Variants in CTNNBL1 observed in about 807,000 individuals in gnomAD.
The protein encoded by CTNNBL1 is beta-catenin-like protein 1.
Under a neutral mutation model 72.7 loss-of-function variants are expected in CTNNBL1, and 31 were observed. That is an observed-to-expected ratio of 0.43 (90% CI 0.32 to 0.58). The LOEUF (loss-of-function observed/expected upper bound fraction) is 0.58. Ranked by LOEUF, CTNNBL1 falls within the 20% of genes least tolerant of loss-of-function variation. CTNNBL1 has a pLI of 0.08. For synonymous variants in CTNNBL1, 240 were observed against 267.3 expected, an observed-to-expected ratio of 0.90 and a Z score of 1.00; for missense variants, 534 against 725.1, an observed-to-expected ratio of 0.74 and a Z score of 3.03.
At chr20:37,760,198 G>C (rs2073403532) in intron 5 of CTNNBL1, among the ~76,000 whole-genome samples, 1 of 152,040 alleles carries the variant, frequency 6.6e-6, no homozygotes, top group Non-Finnish European at 1.5e-5. Flanking sequence ...TAAGCGAGAG[G>C]GTATATTGCT....
Position 37,860,007 on chromosome 20 carries a change from G to A in CTNNBL1, c.1501G>A (p.Ala501Thr). ...TCTCCAGCACATCTGCTACATCATG[G>A]CCGAGATCTGCAATGCCAATGTCCC... is the stretch of plus-strand genomic sequence containing the variant. ...FVLQHICYIM[A>T]EICNANVPQI... Residue 501 changes from alanine to threonine, a missense_variant, in exon 14 of 16, where the codon GCC (alanine) becomes ACC (threonine). Physicochemically the swap from Ala to Thr is moderately conservative, Grantham distance 58. Coordinates refer to ENST00000361383, the MANE Select transcript of CTNNBL1 (RefSeq NM_030877.5). The A allele has an allele frequency of 6.2e-7, 1 of 1,613,998 alleles. No homozygotes were observed. The highest frequency in any genetic ancestry group is 1.1e-5 in the South Asian group (1 of 91,070).
In CTNNBL1 at chr20:37,817,432, T is replaced by C. The variant is rs189743842; in HGVS notation, c.1213+14384T>C. The stretch of plus-strand genomic sequence containing the variant: ...ATGCTATAATAAAGTTTTTAAAATA[T>C]ATTTCATACAAAGTTAGATGTGTTT... On this transcript the variant is annotated intron_variant, in intron 11 of 15. Coordinates refer to ENST00000361383, the MANE Select transcript of CTNNBL1 (RefSeq NM_030877.5). Among the ~76,000 whole-genome samples, 3 of 152,362 alleles carry C rather than the reference T, an allele frequency of 2.0e-5. No homozygotes were observed. The East Asian group carries it at 5.8e-4, about 29-fold the overall frequency.
At chr20:37,864,133 C>T (rs1005829140) in intron 15 of CTNNBL1, among the ~76,000 whole-genome samples, 1 of 152,024 alleles carries the variant, frequency 6.6e-6, no homozygotes, top group African/African-American at 2.4e-5. Flanking sequence ...GGGTGGGAGG[C>T]TGGGCTCTTC....
chr20:37,831,520 C>T (rs2072209941), intron 11 of CTNNBL1, among the ~76,000 whole-genome samples: 1 of 152,106 alleles, frequency 6.6e-6, no homozygotes, highest in Admixed American at 6.6e-5. Context: ...TGCCCGCCAC[C>T]ACGCCCAGCT....
At chr20:37,722,947 G>T (rs1432529339) in intron 1 of CTNNBL1, among the ~76,000 whole-genome samples, 1 of 152,218 alleles carries the variant, frequency 6.6e-6, no homozygotes, top group Non-Finnish European at 1.5e-5. Context: ...GATGCGGATG[G>T]TTCTGGTGTA....
chr20:37,739,561 A>G (rs2073197385), intron 3 of CTNNBL1, among the ~76,000 whole-genome samples: 1 of 152,182 alleles, frequency 6.6e-6, no homozygotes, highest in Non-Finnish European at 1.5e-5. Context: ...TCCCAGATTG[A>G]AGGGTATGTA....
At chr20:37,847,817 A>G (rs1211373939) in intron 13 of CTNNBL1, 1 of 152,746 alleles carries the variant, frequency 6.5e-6, no homozygotes, top group Non-Finnish European at 1.5e-5. Context: ...TACAAATTGC[A>G]TGCTAATTTT....
intron 10 of CTNNBL1, among the ~76,000 whole-genome samples, chr20:37,794,210 G>A (rs2073750052): frequency 8.1e-6 from 1 of 123,128 alleles, no homozygotes; most frequent in Admixed American, 8.0e-5. Context: ...TCCGGGGTCA[G>A]TTTCCTTCTG....
At chr20:37,868,546 A>G (rs1321700746) in intron 15 of CTNNBL1, among the ~76,000 whole-genome samples, 2 of 152,234 alleles carry the variant, frequency 1.3e-5, no homozygotes, top group Admixed American at 6.5e-5. Flanking sequence ...TCCAGGGGAC[A>G]CTAAGCCATT....
intron 1 of CTNNBL1, among the ~76,000 whole-genome samples, chr20:37,731,223 C>T (rs1312176948): frequency 1.3e-5 from 2 of 151,980 alleles, no homozygotes; most frequent in Admixed American, 1.3e-4. Context: ...AGCTTATCTT[C>T]CTGTTTAACT....
intron 1 of CTNNBL1, among the ~76,000 whole-genome samples, chr20:37,728,803 G>C (rs2073106256): frequency 6.6e-6 from 1 of 152,224 alleles, no homozygotes; most frequent in Non-Finnish European, 1.5e-5. Context: ...CTCTGCCATA[G>C]AGTCATCATG....
chr20:37,744,334 T>C (rs78438708), intron 3 of CTNNBL1, among the ~76,000 whole-genome samples: 6,491 of 152,308 alleles, frequency 0.043, 389 homozygotes, highest in African/African-American at 0.14. Context: ...TTAAGTCATG[T>C]GTACTCTTTG....
intron 1 of CTNNBL1, among the ~76,000 whole-genome samples, chr20:37,701,952 G>A (rs937528699): frequency 2.0e-5 from 3 of 152,002 alleles, no homozygotes; most frequent in Admixed American, 6.6e-5. Flanking sequence ...AGCTGCAGAT[G>A]TGTGGCGTAA....
chr20:37,772,774 T>A (rs934723346), intron 7 of CTNNBL1, among the ~76,000 whole-genome samples: 12 of 152,220 alleles, frequency 7.9e-5, no homozygotes, highest in African/African-American at 2.9e-4. Context: ...CATCTCATAT[T>A]TATTCAGTAA....
chr20:37,826,319 G>A (rs1262776723), intron 11 of CTNNBL1, among the ~76,000 whole-genome samples: 1 of 152,184 alleles, frequency 6.6e-6, no homozygotes, highest in Non-Finnish European at 1.5e-5. Context: ...AGAAGAGAAT[G>A]GAATACCATG....
rs561058037 is a variant in CTNNBL1 at position 37,764,280 on chromosome 20, A to G, written c.565-917A>G. Among the ~76,000 whole-genome samples the G allele has an allele frequency of 5.3e-5, 8 of 152,300 alleles. No homozygotes were observed. The South Asian group carries it at 1.0e-3, about 20-fold the overall frequency. ...ACTTATTGGCTGTGCTTAAGAATCC[A>G]TTACCAGATGGATCATCCCTTCCTG... is the stretch of plus-strand genomic sequence containing the variant. On this transcript the variant is annotated intron_variant, in intron 5 of 15. Transcript: ENST00000361383.
At chr20:37,848,401 A>G (rs761078615) in intron 13 of CTNNBL1, among the ~76,000 whole-genome samples, 21 of 152,020 alleles carry the variant, frequency 1.4e-4, no homozygotes, top group Non-Finnish European at 3.1e-4. Flanking sequence ...AGCAAACCTC[A>G]TGCCTCAGCC....
intron 10 of CTNNBL1, among the ~76,000 whole-genome samples, chr20:37,800,629 T>C (rs1023441806): frequency 6.6e-6 from 1 of 152,244 alleles, no homozygotes; most frequent in Admixed American, 6.5e-5. Context: ...ATATTATTCT[T>C]TCCCCACACT....
At chr20:37,853,649 GT>G (rs759720552) in intron 13 of CTNNBL1, among the ~76,000 whole-genome samples, 2 of 152,226 alleles carry the variant, frequency 1.3e-5, no homozygotes, top group African/African-American at 2.4e-5. Context: ...AGTTGACACT[GT>G]CTGTATGGAG....
Sources: allele counts gnomAD v4.1 joint callset (sites outside exome capture counted in the v4.1 genomes callset), GRCh38; gene constraint gnomAD v4.1.1; transcripts MANE v1.5; gene names NCBI Gene and HGNC (gene_info 2026-07-23, HGNC 2026-07-21).